ZNF713: variants seen among roughly 807,000 people sequenced by gnomAD.
ZNF713 encodes the protein zinc finger protein 713.
ZNF713 carries 21 observed loss-of-function variants against 28.7 expected under a neutral mutation model. That is an observed-to-expected ratio of 0.73 (90% CI 0.52 to 1.05). The LOEUF (loss-of-function observed/expected upper bound fraction) is 1.05. Ranked by LOEUF, ZNF713 falls within the 50% of genes least tolerant of loss-of-function variation. ZNF713 has a pLI of 0.00. For missense variants in ZNF713, 458 were observed against 532.4 expected (o/e 0.86, Z 1.37); for synonymous variants, 167 against 178.0 (o/e 0.94, Z 0.49).
At chr7:55,904,317 C>T (rs1212999284) in intron 1 of ZNF713, among the ~76,000 whole-genome samples, 1 of 112,006 alleles carries the variant, frequency 8.9e-6, no homozygotes, top group Non-Finnish European at 2.0e-5. Context: ...CAAAAATTAG[C>T]CAGGCATGGT....
intron 1 of ZNF713, among the ~76,000 whole-genome samples, chr7:55,890,600 T>C (rs565452635): frequency 6.6e-6 from 1 of 152,264 alleles, no homozygotes; most frequent in South Asian, 2.1e-4. Flanking sequence ...AAAATTCTAA[T>C]CTGCTGTAAG....
chr7:55,926,308 T>C (rs1786094014), intron 6 of ZNF713, among the ~76,000 whole-genome samples: 1 of 152,134 alleles, frequency 6.6e-6, no homozygotes, highest in Non-Finnish European at 1.5e-5. Context: ...AGACTCTGTC[T>C]CCAAAAAAAT....
intron 2 of ZNF713, among the ~76,000 whole-genome samples, chr7:55,907,110 G>T (rs1400568862): frequency 6.6e-6 from 1 of 152,038 alleles, no homozygotes; most frequent in Non-Finnish European, 1.5e-5. Flanking sequence ...GCCAGCTGAA[G>T]TCCCTTTTTA....
chr7:55,915,011 C>T (rs1042362103), intron 4 of ZNF713, among the ~76,000 whole-genome samples: 9 of 152,278 alleles, frequency 5.9e-5, no homozygotes, highest in African/African-American at 9.6e-5. Context: ...TGCGCCACCA[C>T]GCCCAGCTAA....
chr7:55,911,092 A>G (rs1785774257), intron 2 of ZNF713, among the ~76,000 whole-genome samples: 1 of 152,212 alleles, frequency 6.6e-6, no homozygotes, highest in Non-Finnish European at 1.5e-5. Context: ...GATTCCTGCC[A>G]TGCTTGGAAT....
Position 55,889,336 on chromosome 7 carries a change from A to C in ZNF713, c.-583+1656A>C, listed in dbSNP as rs189530072. ...AGGCTGATCTCAAACTCCTGACCTC[A>C]GGTGATCCGCCCACCTCGGCCTCCC... is the stretch of plus-strand genomic sequence containing the variant. On this transcript the variant is annotated intron_variant, in intron 1 of 6. Transcript: ENST00000429591. 9.8e-5 allele frequency among the ~76,000 whole-genome samples: 15 copies of C among 152,308 alleles called. No homozygotes were observed. In the East Asian group the frequency reaches 2.9e-3, roughly 29 times the overall value.
Position 55,887,623 on chromosome 7 carries a change from C to T in ZNF713, c.-640C>T. The T allele has an allele frequency of 5.4e-6, 1 of 186,068 alleles. No individual in the cohort carries two copies. The highest frequency in any genetic ancestry group is 1.0e-5 in the Non-Finnish European group (1 of 96,214). The allele number at this position is 186,068 out of a possible 1,614,324, so 11.5% of individuals were successfully genotyped here. A position where few individuals can be genotyped will look rare whatever the true frequency, so the allele number is the denominator to read the frequency against. ...ACCGCGGCGGCGGCGGCGGCGGCGG[C>T]GGCGGCGGCGGCGGCGTCAGGGGGC... On this transcript the variant is annotated 5_prime_UTR_variant, in exon 1 of 7. Coordinates refer to ENST00000429591, the MANE Select transcript of ZNF713 (RefSeq NM_182633.3).
At chr7:55,928,871 C>A (rs1160269182) in intron 6 of ZNF713, among the ~76,000 whole-genome samples, 1 of 151,840 alleles carries the variant, frequency 6.6e-6, no homozygotes, top group Non-Finnish European at 1.5e-5. Context: ...AGGGCTCACA[C>A]CTGTAATCCC....
chr7:55,899,544 G>C (rs889889422), intron 1 of ZNF713, among the ~76,000 whole-genome samples: 2 of 151,084 alleles, frequency 1.3e-5, no homozygotes, highest in Non-Finnish European at 3.0e-5. Context: ...GTGGTGGCAG[G>C]CACCTGTAAT....
chr7:55,892,260 A>G (rs961406231), intron 1 of ZNF713, among the ~76,000 whole-genome samples: 13 of 137,566 alleles, frequency 9.5e-5, no homozygotes, highest in African/African-American at 2.8e-4. Context: ...CCTGGGCGAC[A>G]GAGTGAGACT....
intron 1 of ZNF713, among the ~76,000 whole-genome samples, chr7:55,892,555 C>CA (rs56338467): frequency 0.25 from 18,237 of 73,620 alleles, 2,195 homozygotes; most frequent in South Asian, 0.36. Flanking sequence ...AAGCACTGAC[C>CA]AAAAAAAAAA....
chr7:55,909,245 T>C lies in ZNF713; in HGVS notation c.-455-2371T>C, dbSNP rs143824085. Among the ~76,000 whole-genome samples, 172 of 151,244 alleles carry C rather than the reference T, an allele frequency of 1.1e-3. 2 individuals carry two copies. The highest frequency in any genetic ancestry group is 3.9e-3 in the African/African-American group (162 of 41,366). On this transcript the variant is annotated intron_variant, in intron 2 of 6. Coordinates refer to ENST00000429591, the MANE Select transcript of ZNF713 (RefSeq NM_182633.3). ...AGATAGGAGTCCGGTATCATTCTTC[T>C]ACATGTTGGCTATCCAAGTTTTCCC...
chr7:55,924,891 T>C (rs1786067280), intron 6 of ZNF713: 1 of 152,012 alleles, frequency 6.6e-6, no homozygotes, highest in Non-Finnish European at 1.5e-5. Flanking sequence ...AAAAAACAAT[T>C]TAGATTATAT....
At chr7:55,897,801 ATAG>A (rs1785501621) in intron 1 of ZNF713, among the ~76,000 whole-genome samples, 2 of 152,316 alleles carry the variant, frequency 1.3e-5, no homozygotes, top group Admixed American at 1.3e-4. Flanking sequence ...CGTCATAAAC[ATAG>A]TAGACATATT....
chr7:55,905,605 C>T (rs969079942), intron 1 of ZNF713, among the ~76,000 whole-genome samples: 1 of 152,008 alleles, frequency 6.6e-6, no homozygotes, highest in African/African-American at 2.4e-5. Context: ...CTGAGCTGTT[C>T]TGCACCCTGG....
intron 1 of ZNF713, among the ~76,000 whole-genome samples, chr7:55,900,565 G>A (rs760380473): frequency 6.6e-6 from 1 of 152,132 alleles, no homozygotes; most frequent in African/African-American, 2.4e-5. Context: ...TGAACCTGGA[G>A]GACATTGTAT....
intron 4 of ZNF713, among the ~76,000 whole-genome samples, 172 bp downstream of exon 4, chr7:55,912,895 T>C (rs1785811192): frequency 6.6e-6 from 1 of 152,254 alleles, no homozygotes; most frequent in Non-Finnish European, 1.5e-5. Flanking sequence ...TAGCTCTTTC[T>C]AGCTCTTCCC....
chr7:55,902,035 A>G (rs1274028376), intron 1 of ZNF713, among the ~76,000 whole-genome samples: 1 of 152,172 alleles, frequency 6.6e-6, no homozygotes. Flanking sequence ...TACTAAAAAT[A>G]CAAAAATTAG....
At chr7:55,921,091 C>T (rs753944194) in intron 4 of ZNF713, among the ~76,000 whole-genome samples, 9 of 152,012 alleles carry the variant, frequency 5.9e-5, no homozygotes, top group Non-Finnish European at 5.9e-5. Context: ...TTTGCCTGTG[C>T]GCTAGAAATG....
Sources: gnomAD v4.1 joint callset for allele counts (sites outside exome capture counted in the v4.1 genomes callset) on GRCh38, gnomAD v4.1.1 for gene constraint, MANE v1.5 for transcripts, NCBI Gene and HGNC (gene_info 2026-07-23, HGNC 2026-07-21) for gene names.